Variants in NCKAP5 observed in about 807,000 individuals in gnomAD.
NCKAP5 encodes nck-associated protein 5.
Under a neutral mutation model 167.0 loss-of-function variants are expected in NCKAP5, and 92 were observed. That is an observed-to-expected ratio of 0.55 (90% CI 0.47 to 0.66). The LOEUF is 0.66. Ranked by LOEUF, NCKAP5 falls within the 30% of genes least tolerant of loss-of-function variation. The pLI is 0.00. For synonymous variants in NCKAP5, 891 were observed against 877.4 expected, an observed-to-expected ratio of 1.02 and a Z score of -0.27; for missense variants, 2,378 against 2,315.0, an observed-to-expected ratio of 1.03 and a Z score of -0.56.
At chr2:132,794,768 C>G (rs1040397809) in intron 12 of NCKAP5, among the ~76,000 whole-genome samples, 2 of 152,020 alleles carry the variant, frequency 1.3e-5, no homozygotes, top group Non-Finnish European at 2.9e-5. Context: ...TCCTGATATC[C>G]TATAATTCCC....
chr2:133,248,928 A>G (rs2088149845), intron 4 of NCKAP5, among the ~76,000 whole-genome samples: 1 of 152,170 alleles, frequency 6.6e-6, no homozygotes, highest in Admixed American at 6.5e-5. Context: ...TCAGTTTTAA[A>G]TTGGCAGTAT....
intron 4 of NCKAP5, among the ~76,000 whole-genome samples, chr2:133,298,899 T>A (rs1181360265): frequency 6.6e-6 from 1 of 152,204 alleles, no homozygotes; most frequent in African/African-American, 2.4e-5. Flanking sequence ...GTTATAGTTC[T>A]CAAAGACAAA....
intron 2 of NCKAP5, among the ~76,000 whole-genome samples, chr2:133,546,858 T>C (rs72992365): frequency 0.042 from 6,403 of 152,048 alleles, 473 homozygotes; most frequent in African/African-American, 0.15. Flanking sequence ...CTTCAAAAGA[T>C]TGAGAAAGGG....
At chr2:133,334,228 G>T (rs1455403252) in intron 3 of NCKAP5, among the ~76,000 whole-genome samples, 1 of 152,064 alleles carries the variant, frequency 6.6e-6, no homozygotes, top group Non-Finnish European at 1.5e-5. Flanking sequence ...CTGTAAAATG[G>T]GGATAATAAT....
intron 6 of NCKAP5, among the ~76,000 whole-genome samples, chr2:133,022,004 G>A (rs933881149): frequency 1.3e-5 from 2 of 152,196 alleles, no homozygotes; most frequent in African/African-American, 4.8e-5. Flanking sequence ...GGATCATTAT[G>A]ATATATTTTC....
chr2:133,391,848 A>AC (rs1345363685), intron 3 of NCKAP5, among the ~76,000 whole-genome samples: 1 of 152,172 alleles, frequency 6.6e-6, no homozygotes, highest in Non-Finnish European at 1.5e-5. Flanking sequence ...TAAGGTCCTT[A>AC]CCTGGCACAC....
chr2:133,239,137 T>G (rs1030558752), intron 4 of NCKAP5, among the ~76,000 whole-genome samples: 1 of 152,234 alleles, frequency 6.6e-6, no homozygotes, highest in Non-Finnish European at 1.5e-5. Flanking sequence ...AAAGTCCATT[T>G]AATACATTAT....
Position 133,517,696 on chromosome 2 carries a change from A to G in NCKAP5, c.-61-109T>C, listed in dbSNP as rs1419633069. On this transcript the variant is annotated intron_variant, in intron 2 of 19. Transcript: ENST00000409261. ...TTGAAGTCAAAAAATACCCAGTCCC[A>G]AATAATAAGTATAGAACTAGGCTCT... 5 of 413,966 alleles carry G rather than the reference A, an allele frequency of 1.2e-5. No homozygotes were observed. The Admixed American group carries it at 1.7e-4, about 14-fold the overall frequency. 25.6% of individuals were successfully genotyped at this position (413,966 alleles called of 1,614,324 possible).
At chr2:132,961,008 C>G (rs920191971) in intron 8 of NCKAP5, among the ~76,000 whole-genome samples, 3 of 152,044 alleles carry the variant, frequency 2.0e-5, no homozygotes, top group Non-Finnish European at 4.4e-5. Context: ...TAGAAAAATT[C>G]TTTGTTTTTT....
At chr2:133,105,314 A>G (rs902455075) in intron 6 of NCKAP5, among the ~76,000 whole-genome samples, 1 of 152,242 alleles carries the variant, frequency 6.6e-6, no homozygotes, top group Non-Finnish European at 1.5e-5. Flanking sequence ...GCTAAGGGAC[A>G]TTACTTTTTT....
intron 2 of NCKAP5, among the ~76,000 whole-genome samples, chr2:133,548,730 G>A (rs948123116): frequency 9.7e-4 from 145 of 149,592 alleles, no homozygotes; most frequent in African/African-American, 3.0e-3. Flanking sequence ...TGAAGGAAGC[G>A]CTAAACATGG....
chr2:132,882,249 G>C (rs1399422551), intron 8 of NCKAP5, among the ~76,000 whole-genome samples: 1 of 152,142 alleles, frequency 6.6e-6, no homozygotes, highest in Non-Finnish European at 1.5e-5. Flanking sequence ...CTTGGGGAAT[G>C]ATAATTGGGA....
chr2:133,600,758 T>G, the NCKAP5 span, among the ~76,000 whole-genome samples: 3 of 152,194 alleles, frequency 2.0e-5, no homozygotes, highest in African/African-American at 7.2e-5. Context: ...GGCCCTGATG[T>G]GCGAAGCTCC....
At chr2:133,343,142 C>G (rs889071464) in intron 3 of NCKAP5, among the ~76,000 whole-genome samples, 1 of 152,190 alleles carries the variant, frequency 6.6e-6, no homozygotes, top group Non-Finnish European at 1.5e-5. Flanking sequence ...GCATTTGTTA[C>G]AGTTTGCACA....
chr2:133,139,113 C>G (rs1265426160), intron 5 of NCKAP5, among the ~76,000 whole-genome samples: 2 of 152,132 alleles, frequency 1.3e-5, no homozygotes, highest in Non-Finnish European at 2.9e-5. Context: ...TATCACATAC[C>G]CCGAGGGCCT....
At chr2:132,948,709 T>C (rs1043107872) in intron 8 of NCKAP5, among the ~76,000 whole-genome samples, 2 of 152,014 alleles carry the variant, frequency 1.3e-5, no homozygotes, top group African/African-American at 4.8e-5. Flanking sequence ...TCTTGGCCAA[T>C]GGGAACAAGG....
intron 16 of NCKAP5, among the ~76,000 whole-genome samples, chr2:132,743,167 C>T (rs1266739848): frequency 6.6e-6 from 1 of 151,708 alleles, no homozygotes; most frequent in African/African-American, 2.4e-5. Flanking sequence ...ATGAAGTGAG[C>T]CCTACAGTTA....
chr2:133,414,546 C>CA (rs978809135), intron 3 of NCKAP5, among the ~76,000 whole-genome samples: 10 of 151,832 alleles, frequency 6.6e-5, no homozygotes, highest in East Asian at 1.9e-4. Flanking sequence ...TCACATTACT[C>CA]AAAAAAAAGC....
At chr2:132,698,081 G>A (rs937163964) in intron 19 of NCKAP5, among the ~76,000 whole-genome samples, 7 of 152,096 alleles carry the variant, frequency 4.6e-5, no homozygotes, top group African/African-American at 1.7e-4. Flanking sequence ...TATGCTAATG[G>A]GTTATGCAGA....
Sources: gnomAD v4.1 joint callset for allele counts (sites outside exome capture counted in the v4.1 genomes callset) on GRCh38, gnomAD v4.1.1 for gene constraint, MANE v1.5 for transcripts, NCBI Gene and HGNC (gene_info 2026-07-23, HGNC 2026-07-21) for gene names.